Variants in LARGE1 observed in about 807,000 individuals in gnomAD.
The protein encoded by LARGE1 is LARGE xylosyl- and glucuronyltransferase 1.
A neutral mutation model predicts 87.6 loss-of-function variants in LARGE1; 43 were observed. That is an observed-to-expected ratio of 0.49 (90% CI 0.38 to 0.63). The LOEUF (loss-of-function observed/expected upper bound fraction) is 0.63, where lower values mean the gene tolerates loss of function less well. LARGE1 is among the 30% of genes least tolerant of loss of function. The probability of loss-of-function intolerance (pLI) is 0.00; values close to 1 mark genes in which losing one functional copy is unlikely to be tolerated. For synonymous variants in LARGE1, 434 were observed against 394.6 expected, an observed-to-expected ratio of 1.10 and a Z score of -1.18; for missense variants, 802 against 1,000.2, an observed-to-expected ratio of 0.80 and a Z score of 2.67.
chr22:33,290,591 G>A (rs549104752), intron 12 of LARGE1, among the ~76,000 whole-genome samples: 60 of 152,286 alleles, frequency 3.9e-4, no homozygotes, highest in Middle Eastern at 3.4e-3. Context: ...AGGAGTCACC[G>A]GCAGTTGGAG....
chr22:33,535,141 C>T (rs75456766), intron 6 of LARGE1, among the ~76,000 whole-genome samples: 14 of 152,306 alleles, frequency 9.2e-5, no homozygotes, highest in African/African-American at 2.6e-4. Context: ...TCAGGGCGTA[C>T]GCCTTCTGTT....
At chr22:33,728,274 C>T (rs145188103) in intron 2 of LARGE1, among the ~76,000 whole-genome samples, 242 of 152,246 alleles carry the variant, frequency 1.6e-3, no homozygotes, top group African/African-American at 5.5e-3. Flanking sequence ...CTCAGTGGCT[C>T]ACTCCTGTAA....
intron 1 of LARGE1, among the ~76,000 whole-genome samples, chr22:33,805,736 AAAATAAATAAATAAGTAAATAAATGAAT>A (rs2086286767): frequency 1.8e-5 from 2 of 112,092 alleles, no homozygotes; most frequent in Admixed American, 1.9e-4. Flanking sequence ...TCTGTCTCAA[AAAATAAATAAATAAGTAAATAAATGAAT>A]AAATAAATAA....
chr22:33,087,361 T>C, the LARGE1 span, among the ~76,000 whole-genome samples: 8 of 152,158 alleles, frequency 5.3e-5, no homozygotes, highest in Admixed American at 2.6e-4. Flanking sequence ...GAGTTGTTAA[T>C]ATAAAACATT....
At chr22:33,235,607 G>C (rs1926213382) in intron 11 of LARGE1, among the ~76,000 whole-genome samples, 1 of 152,160 alleles carries the variant, frequency 6.6e-6, no homozygotes, top group East Asian at 1.9e-4. Context: ...TGTTATCTAG[G>C]AGCTTAACTG....
At chr22:33,089,371 C>CCTCCTCCTT in the LARGE1 span, among the ~76,000 whole-genome samples, 3 of 76,098 alleles carry the variant, frequency 3.9e-5, no homozygotes, top group Non-Finnish European at 7.7e-5. Flanking sequence ...TTCTTCTTCT[C>CCTCCTCCTT]CTTCTTCTTC....
At chr22:33,316,917 T>C (rs188035873) in intron 10 of LARGE1, among the ~76,000 whole-genome samples, 20 of 151,836 alleles carry the variant, frequency 1.3e-4, no homozygotes, top group Admixed American at 1.1e-3. Context: ...CAATTTCAAA[T>C]AACATGGGAA....
intron 1 of LARGE1, among the ~76,000 whole-genome samples, chr22:33,834,227 G>A (rs1405522436): frequency 6.6e-6 from 1 of 152,156 alleles, no homozygotes; most frequent in African/African-American, 2.4e-5. Context: ...CTCTAGTAGA[G>A]CTTTCAGACA....
intron 1 of LARGE1, among the ~76,000 whole-genome samples, chr22:33,897,108 T>C (rs2065165852): frequency 6.6e-6 from 1 of 152,108 alleles, no homozygotes; most frequent in African/African-American, 2.4e-5. Flanking sequence ...TTTGTGGAGC[T>C]CCCTGGAGAG....
intron 11 of LARGE1, among the ~76,000 whole-genome samples, chr22:33,256,283 C>T (rs1020547584): frequency 3.3e-5 from 5 of 152,298 alleles, no homozygotes; most frequent in African/African-American, 1.2e-4. Flanking sequence ...TTATTTAAAC[C>T]ATTCACAGAG....
chr22:33,573,267 C>G (rs2078258570), intron 5 of LARGE1, among the ~76,000 whole-genome samples: 1 of 152,030 alleles, frequency 6.6e-6, no homozygotes, highest in Non-Finnish European at 1.5e-5. Flanking sequence ...GGTGAAAAAC[C>G]ATCTCCACTA....
At chr22:33,402,275 A>G (rs991485924) in intron 7 of LARGE1, among the ~76,000 whole-genome samples, 1 of 152,222 alleles carries the variant, frequency 6.6e-6, no homozygotes, top group African/African-American at 2.4e-5. Flanking sequence ...GGGGCTGGGC[A>G]TCACTAAGTC....
intron 5 of LARGE1, among the ~76,000 whole-genome samples, chr22:33,568,782 A>T (rs1337078609): frequency 3.3e-5 from 5 of 151,958 alleles, no homozygotes; most frequent in East Asian, 1.9e-4. Context: ...AAAAAAAAAA[A>T]AAATAAGCAC....
At chr22:33,208,793 C>T (rs910870429) in intron 11 of LARGE1, among the ~76,000 whole-genome samples, 5 of 152,178 alleles carry the variant, frequency 3.3e-5, no homozygotes, top group Non-Finnish European at 7.3e-5. Context: ...CCTTGTTAAA[C>T]TCCCACTTAT....
rs139319260 is a variant in LARGE1 at position 33,649,392 on chromosome 22, C to A, written c.408+975G>T. Among the ~76,000 whole-genome samples the A allele has an allele frequency of 5.3e-5, 8 of 152,178 alleles. No homozygotes were observed. The East Asian group carries it at 1.5e-3, about 29-fold the overall frequency. On this transcript the variant is annotated intron_variant, in intron 3 of 14. Transcript: ENST00000397394. ...TTTGAAGTCTAACCACTCTTTATTC[C>A]AGAAAATGGAATAAAGAAACAGCAG... is the stretch of plus-strand genomic sequence containing the variant.
chr22:33,787,748 A>G (rs187124612), intron 1 of LARGE1, among the ~76,000 whole-genome samples: 34 of 152,258 alleles, frequency 2.2e-4, no homozygotes, highest in Middle Eastern at 3.4e-3. Context: ...GCCTCAATAC[A>G]CTGTTAGTGT....
chr22:33,284,328 C>T (rs1931100646), intron 12 of LARGE1, among the ~76,000 whole-genome samples: 1 of 152,200 alleles, frequency 6.6e-6, no homozygotes, highest in Non-Finnish European at 1.5e-5. Context: ...CTTGAATTCT[C>T]CAGACTCCAA....
At chr22:33,236,568 C>A (rs1926261375) in intron 11 of LARGE1, among the ~76,000 whole-genome samples, 1 of 152,168 alleles carries the variant, frequency 6.6e-6, no homozygotes, top group African/African-American at 2.4e-5. Context: ...CCTCAACCTG[C>A]AAGTTTCATG....
chr22:33,786,547 G>A (rs915409626), intron 1 of LARGE1, among the ~76,000 whole-genome samples: 3 of 152,246 alleles, frequency 2.0e-5, no homozygotes, highest in Admixed American at 6.5e-5. Context: ...GGAGGTTGGG[G>A]ACCTCTCTCT....
Sources: gnomAD v4.1 joint callset for allele counts (sites outside exome capture counted in the v4.1 genomes callset) on GRCh38, gnomAD v4.1.1 for gene constraint, MANE v1.5 for transcripts, NCBI Gene and HGNC (gene_info 2026-07-23, HGNC 2026-07-21) for gene names.